NR3C2: variants seen among roughly 807,000 people sequenced by gnomAD.
NR3C2 encodes mineralocorticoid receptor.
NR3C2 carries 15 observed loss-of-function variants against 86.4 expected under a neutral mutation model. The ratio of observed to expected loss-of-function variants is 0.17; its 90% CI spans 0.12 to 0.27. The LOEUF (loss-of-function observed/expected upper bound fraction) is 0.27. NR3C2 is among the 10% of genes least tolerant of loss of function. The probability of loss-of-function intolerance (pLI) is 1.00; values close to 1 mark genes in which losing one functional copy is unlikely to be tolerated. For synonymous variants in NR3C2, 458 were observed against 450.5 expected, an observed-to-expected ratio of 1.02 and a Z score of -0.21; for missense variants, 960 against 1,195.6, an observed-to-expected ratio of 0.80 and a Z score of 2.91.
chr4:148,154,128 C>A (rs547466895), intron 5 of NR3C2, among the ~76,000 whole-genome samples: 1 of 152,010 alleles, frequency 6.6e-6, no homozygotes, highest in South Asian at 2.1e-4. Context: ...CCTGCCTCAG[C>A]CTCCTGAGTA....
chr4:148,412,582 G>A (rs1748759772), intron 2 of NR3C2, among the ~76,000 whole-genome samples: 1 of 152,020 alleles, frequency 6.6e-6, no homozygotes, highest in African/African-American at 2.4e-5. Context: ...AAAAAAAAAT[G>A]CTCCTTCCTT....
intron 2 of NR3C2, among the ~76,000 whole-genome samples, chr4:148,333,609 C>A (rs558566795): frequency 7.2e-5 from 11 of 152,268 alleles, no homozygotes; most frequent in African/African-American, 2.4e-4. Flanking sequence ...CCAAGTCCCA[C>A]ATGCTAGTCC....
chr4:148,253,019 G>T lies in NR3C2; in HGVS notation c.1897+6959C>A, dbSNP rs535052726. On this transcript the variant is annotated intron_variant, in intron 3 of 8. Transcript: ENST00000358102. ...TGATTTAAAATTTAAGCTACAAGCA[G>T]CTGTCTTTGGATAATACTAATTTAC... Among the ~76,000 whole-genome samples the T allele has an allele frequency of 4.6e-5, 7 of 151,114 alleles. No homozygotes were observed. The East Asian group carries it at 1.2e-3, about 25-fold the overall frequency.
chr4:148,238,726 A>G (rs3846315), intron 3 of NR3C2, among the ~76,000 whole-genome samples: 138,295 of 152,212 alleles, frequency 0.91, 64,260 homozygotes, highest in Non-Finnish European at 1. Context: ...ACTAGGTACT[A>G]TGTTATTTGT....
At chr4:148,294,919 TC>T (rs1741973482) in intron 2 of NR3C2, among the ~76,000 whole-genome samples, 1 of 152,070 alleles carries the variant, frequency 6.6e-6, no homozygotes, top group Non-Finnish European at 1.5e-5. Context: ...GCCTAGGAGT[TC>T]AAGTTACAAT....
At position 148,151,557 on chromosome 4, in the gene NR3C2, C is replaced by T. The variant is rs73853763; in HGVS notation, c.2510+912G>A. Among the ~76,000 whole-genome samples the T allele has an allele frequency of 8.8e-3, 1,338 of 152,190 alleles. 21 individuals carry two copies. Among genetic ancestry groups the T allele is most frequent in the African/African-American group, 0.031 (1,271 of 41,528 alleles). ...GTCTTTGCAGTACATCACATGTGGG[C>T]GAACTGGTACTCTTAGGTAAATTAC... On this transcript the variant is annotated intron_variant, in intron 6 of 8. Coordinates refer to ENST00000358102, the MANE Select transcript of NR3C2 (RefSeq NM_000901.5).
intron 6 of NR3C2, among the ~76,000 whole-genome samples, chr4:148,133,401 A>G (rs1393505380): frequency 6.6e-6 from 1 of 152,172 alleles, no homozygotes; most frequent in Non-Finnish European, 1.5e-5. Flanking sequence ...ACGTAAAGAC[A>G]CTGCTTACTT....
intron 2 of NR3C2, among the ~76,000 whole-genome samples, chr4:148,350,495 G>C (rs1434766423): frequency 6.6e-6 from 1 of 152,106 alleles, no homozygotes; most frequent in African/African-American, 2.4e-5. Context: ...ATCTCTAAAA[G>C]ACGTTTTAAA....
In NR3C2 at chr4:148,368,805, C is replaced by T. The variant is rs77650710; in HGVS notation, c.1757+66299G>A. Among the ~76,000 whole-genome samples, 1,522 of 152,206 alleles carry T rather than the reference C, an allele frequency of 1.0e-2. 23 individuals are homozygous for T. Among genetic ancestry groups the T allele is most frequent in the African/African-American group, 0.034 (1,432 of 41,524 alleles). On this transcript the variant is annotated intron_variant, in intron 2 of 8. Transcript: ENST00000358102. ...ATACCCACAGGGAGACCCCAGAAAG[C>T]GGTTAATCTCAATTCATAAATCTTC...
At chr4:148,197,727 A>G (rs532187074) in intron 3 of NR3C2, among the ~76,000 whole-genome samples, 1 of 152,314 alleles carries the variant, frequency 6.6e-6, no homozygotes, top group Non-Finnish European at 1.5e-5. Flanking sequence ...TTCCACATAT[A>G]GGATAGGAGA....
chr4:148,155,664 A>G lies in NR3C2; in HGVS notation c.2015-763T>C, dbSNP rs201575149. On this transcript the variant is annotated intron_variant, in intron 4 of 8. Transcript: ENST00000358102. Reference sequence around the variant, plus strand: ...ATGCTCATGGGTAGGAAGAATCAATATCGTGAAAATGGCCATATTGCCCAA... The same window carrying G: ...ATGCTCATGGGTAGGAAGAATCAATGTCGTGAAAATGGCCATATTGCCCAA... 1.0e-2 allele frequency among the ~76,000 whole-genome samples: 1,515 copies of G among 151,590 alleles called. 47 individuals carry two copies. The East Asian group carries it at 0.13, about 13-fold the overall frequency.
intron 2 of NR3C2, among the ~76,000 whole-genome samples, chr4:148,392,067 C>G (rs1036450773): frequency 7.2e-5 from 11 of 151,822 alleles, no homozygotes; most frequent in Admixed American, 6.6e-4. Context: ...ACAGAAAGCA[C>G]CACACCTGAA....
At position 148,319,791 on chromosome 4, in the gene NR3C2, T is replaced by G. The variant is rs1298348684; in HGVS notation, c.1758-59674A>C. Among the ~76,000 whole-genome samples the G allele has an allele frequency of 5.0e-3, 718 of 145,010 alleles. 7 individuals are homozygous for G. The highest frequency in any genetic ancestry group is 0.018 in the African/African-American group (621 of 35,154). On this transcript the variant is annotated intron_variant, in intron 2 of 8. Transcript: ENST00000358102. ...GGAGATTTTGGGTTGAGACAATGGG[T>G]TTTTCTAGATATACAATCATGTCGT...
In NR3C2 at chr4:148,080,732, C is replaced by CTAA; in HGVS notation, c.*609_*611dup. On this transcript the variant is annotated 3_prime_UTR_variant, in exon 9 of 9. Transcript: ENST00000358102. ...GGCATTTAACATCATCTTATCCATTCTAATTAAATAAGAAATGGACGCTAA... is the reference window on the plus strand; with the variant it reads ...GGCATTTAACATCATCTTATCCATTCTAATAATTAAATAAGAAATGGACGCTAA... 1 of 337,816 alleles carries CTAA rather than the reference C, an allele frequency of 3.0e-6. No individual in the cohort carries two copies. Among genetic ancestry groups the CTAA allele is most frequent in the Non-Finnish European group, 6.2e-6 (1 of 161,290 alleles). The allele number at this position is 337,816 out of a possible 1,614,324, so 20.9% of individuals were successfully genotyped here. A position where few individuals can be genotyped will look rare whatever the true frequency, so the allele number is the denominator to read the frequency against.
rs368463555 is a variant in NR3C2 at position 148,347,332 on chromosome 4, C to A, written c.1758-87215G>T. ...TCTTGCCAACCACCCAGAAATGTTC[C>A]TCCAGTATTATTTGAAATATCAAAT... On this transcript the variant is annotated intron_variant, in intron 2 of 8. Coordinates refer to ENST00000358102, the MANE Select transcript of NR3C2 (RefSeq NM_000901.5). Among the ~76,000 whole-genome samples, 14 of 151,950 alleles carry A rather than the reference C, an allele frequency of 9.2e-5. No homozygotes were observed. In the East Asian group the frequency reaches 2.5e-3, roughly 27 times the overall value.
intron 2 of NR3C2, among the ~76,000 whole-genome samples, chr4:148,345,390 G>C (rs1399993699): frequency 1.3e-5 from 2 of 151,676 alleles, no homozygotes; most frequent in Non-Finnish European, 2.9e-5. Flanking sequence ...TAATTGGCAA[G>C]AGTAAAAAAA....
chr4:148,305,757 T>C (rs1047317512), intron 2 of NR3C2, among the ~76,000 whole-genome samples: 1 of 152,210 alleles, frequency 6.6e-6, no homozygotes, highest in African/African-American at 2.4e-5. Flanking sequence ...TTGGTTTGAA[T>C]TGACAACACA....
chr4:148,160,314 C>CT (rs1201869131), intron 4 of NR3C2, among the ~76,000 whole-genome samples: 8 of 152,292 alleles, frequency 5.3e-5, no homozygotes, highest in African/African-American at 1.9e-4. Context: ...TCTATTAAAA[C>CT]TGTGACAGAT....
chr4:148,268,460 C>A (rs774307226), intron 2 of NR3C2, among the ~76,000 whole-genome samples: 1 of 152,150 alleles, frequency 6.6e-6, no homozygotes, highest in Non-Finnish European at 1.5e-5. Flanking sequence ...TTGATGTACA[C>A]CTTACAACCT....
Sources: gnomAD v4.1 joint callset for allele counts (sites outside exome capture counted in the v4.1 genomes callset) on GRCh38, gnomAD v4.1.1 for gene constraint, MANE v1.5 for transcripts, NCBI Gene and HGNC (gene_info 2026-07-23, HGNC 2026-07-21) for gene names.